Variants in LRP8 observed in about 807,000 individuals in gnomAD.
The protein encoded by LRP8 is LDL receptor related protein 8, also known as low-density lipoprotein receptor-related protein 8.
LRP8 carries 46 observed loss-of-function variants against 111.6 expected under a neutral mutation model. The observed-to-expected ratio is 0.41, with a 90% CI of 0.33 to 0.53. The LOEUF (loss-of-function observed/expected upper bound fraction) is 0.53. Ranked by LOEUF, LRP8 falls within the 20% of genes least tolerant of loss-of-function variation. The probability of loss-of-function intolerance (pLI) is 0.20; values close to 1 mark genes in which losing one functional copy is unlikely to be tolerated. For synonymous variants in LRP8, 464 were observed against 511.2 expected (o/e 0.91, Z 1.24); for missense variants, 959 against 1,297.4 (o/e 0.74, Z 4.01).
In LRP8 at chr1:53,303,179, A is replaced by G. The variant is rs1466907647; in HGVS notation, c.245-13490T>C. Among the ~76,000 whole-genome samples the G allele has an allele frequency of 6.6e-6, 1 of 152,160 alleles. No homozygotes were observed. The highest frequency in any genetic ancestry group is 1.5e-5 in the Non-Finnish European group (1 of 68,022). On this transcript the variant is annotated intron_variant, in intron 2 of 18. Transcript: ENST00000306052. The surrounding 1 kb of genome is among the most constrained non-coding windows in gnomAD (Gnocchi z 4.3). The stretch of plus-strand genomic sequence containing the variant: ...ACTCCCCCACTGCTCCAGCTTTCCT[A>G]CAGGGACTTTGGGGAGAGCTGGGTT...
At chr1:53,259,331 C>T (rs986247595) in intron 13 of LRP8, among the ~76,000 whole-genome samples, 2 of 151,804 alleles carry the variant, frequency 1.3e-5, no homozygotes, top group African/African-American at 4.8e-5. Context: ...AGGCTGGTCC[C>T]AAACTCCTGG....
chr1:53,275,051 G>A lies in LRP8; in HGVS notation c.1006+580C>T, dbSNP rs527376712. On this transcript the variant is annotated intron_variant, in intron 6 of 18. Coordinates refer to ENST00000306052, the MANE Select transcript of LRP8 (RefSeq NM_004631.5). This position sits in a 1 kb window ranked among gnomAD's most constrained non-coding sequence, Gnocchi z 4.4. ...TCATGTAGCTGGGCAGGGCTGTGGG[G>A]ATCTGCGTCTCATCTTGCAGGACTC... 2.6e-5 allele frequency among the ~76,000 whole-genome samples: 4 copies of A among 152,330 alleles called. No individual in the cohort carries two copies. Among genetic ancestry groups the A allele is most frequent in the Non-Finnish European group, 5.9e-5 (4 of 68,018 alleles).
intron 2 of LRP8, among the ~76,000 whole-genome samples, chr1:53,299,592 T>C (rs569387335): frequency 2.0e-5 from 3 of 152,266 alleles, no homozygotes; most frequent in Non-Finnish European, 2.9e-5. Context: ...CAGCCTCACA[T>C]TGGTCATCCA....
chr1:53,280,754 G>A (rs201936545), intron 3 of LRP8, 39 bp from the exon 4 acceptor site: 39 of 1,604,356 alleles, frequency 2.4e-5, no homozygotes, highest in Non-Finnish European at 3.3e-5. Context: ...TAGCCAAGGG[G>A]GACACAGGGC....
At position 53,283,410 on chromosome 1, in the gene LRP8, G is replaced by GCATACCCGGGCCACTTACTTACTTACTA. The variant is rs1647180996; in HGVS notation, c.368-2696_368-2695insTAGTAAGTAAGTAAGTGGCCCGGGTATG. Among the ~76,000 whole-genome samples the GCATACCCGGGCCACTTACTTACTTACTA allele has an allele frequency of 3.4e-5, 5 of 145,390 alleles. No individual in the cohort carries two copies. In the East Asian group the frequency reaches 8.4e-4, roughly 24 times the overall value. ...ATTCACAAAGGTCATCACATAAGTG[G>GCATACCCGGGCCACTTACTTACTTACTA]CATACCCGGGCCACTTACTTACTAC... On this transcript the variant is annotated intron_variant, in intron 3 of 18. Coordinates refer to ENST00000306052, the MANE Select transcript of LRP8 (RefSeq NM_004631.5).
intron 16 of LRP8, among the ~76,000 whole-genome samples, chr1:53,252,346 A>AT (rs1164742165): frequency 1.3e-5 from 2 of 151,976 alleles, no homozygotes; most frequent in African/African-American, 4.8e-5. Context: ...CCCGGGCAAG[A>AT]TGGTGAGCCC....
chr1:53,258,052 AG>A (rs1363080643), intron 14 of LRP8: 1 of 283,154 alleles, frequency 3.5e-6, no homozygotes, highest in Admixed American at 4.7e-5. Flanking sequence ...AGGTTTTTAA[AG>A]CGTTCCAGAA....
At chr1:53,285,941 C>A (rs1427550888) in intron 3 of LRP8, among the ~76,000 whole-genome samples, 1 of 152,212 alleles carries the variant, frequency 6.6e-6, no homozygotes, top group African/African-American at 2.4e-5. Context: ...TGGCTCACGG[C>A]ATTTAAAGGC....
At position 53,266,646 on chromosome 1, in the gene LRP8, A is replaced by G. The variant is rs1323254928; in HGVS notation, c.1254T>C (p.Ala418=). The part of the protein sequence containing the change: ...DLLTKNCKAA[A]GKSPSLIFTN... ...TGAAGATTAGGGATGGGCTCTTGCCAGCTGTCATGCAGGGAGGTTGAAAGA... is the reference window on the plus strand; with the variant it reads ...TGAAGATTAGGGATGGGCTCTTGCCGGCTGTCATGCAGGGAGGTTGAAAGA... The change falls in exon 9 of 19, where the codon GCT becomes GCC. Residue 418 remains alanine, a splice_region_variant and synonymous_variant. Transcript: ENST00000306052. This position sits in a 1 kb window ranked among gnomAD's most constrained non-coding sequence, Gnocchi z 5.0. 5.0e-6 allele frequency: 8 copies of G among 1,613,768 alleles called. No individual in the cohort carries two copies. In the East Asian group the frequency reaches 1.8e-4, roughly 36 times the overall value.
In LRP8 at chr1:53,326,999, G is replaced by A; in HGVS notation, c.125-7C>T. On this transcript the variant is annotated splice_polypyrimidine_tract_variant and splice_region_variant and intron_variant, in intron 1 of 18. Transcript: ENST00000306052. Reference sequence around the variant, plus strand: ...TCGCAATCCTTGGCCGGCCCTGCGAGGGGGAGGGAGCGTGAGCTGGATCAG... The same window carrying A: ...TCGCAATCCTTGGCCGGCCCTGCGAAGGGGAGGGAGCGTGAGCTGGATCAG... The A allele has an allele frequency of 1.9e-6, 3 of 1,611,620 alleles. No individual in the cohort carries two copies. The highest frequency in any genetic ancestry group is 2.5e-6 in the Non-Finnish European group (3 of 1,179,578).
chr1:53,282,605 C>A (rs924276380), intron 3 of LRP8, among the ~76,000 whole-genome samples: 6 of 152,164 alleles, frequency 3.9e-5, no homozygotes, highest in Non-Finnish European at 8.8e-5. Context: ...GGGGTCCTCT[C>A]ATCAAAGGGT....
intron 15 of LRP8, among the ~76,000 whole-genome samples, chr1:53,256,869 CAT>C (rs1305836802): frequency 3.2e-4 from 49 of 152,178 alleles, no homozygotes; most frequent in Non-Finnish European, 8.8e-5. Context: ...CTTTGTGAAA[CAT>C]AGACACACAC....
chr1:53,257,566 A>C, intron 14 of LRP8, 102 bp from the exon 15 acceptor site: 4 of 833,940 alleles, frequency 4.8e-6, no homozygotes, highest in African/African-American at 1.7e-5. Flanking sequence ...GGCGTAGCTC[A>C]AATGCCACTT....
At position 53,266,894 on chromosome 1, in the gene LRP8, T is replaced by C. The variant is rs1646585333; in HGVS notation, c.1253-247A>G. ...AGATACAAACTTCTCCAAAATCTTT[T>C]ATGGCTCCCCATTTTCTCCTTAGGC... On this transcript the variant is annotated intron_variant, in intron 8 of 18. Transcript: ENST00000306052. The surrounding 1 kb of genome is among the most constrained non-coding windows in gnomAD (Gnocchi z 5.0). 1 of 460,636 alleles carries C rather than the reference T, an allele frequency of 2.2e-6. No homozygotes were observed. Among genetic ancestry groups the C allele is most frequent in the African/African-American group, 1.9e-5 (1 of 51,360 alleles). 28.5% of individuals were successfully genotyped at this position (460,636 alleles called of 1,614,324 possible).
Position 53,327,829 on chromosome 1 carries a change from A to G in LRP8, c.84T>C (p.His28=). 1.3e-6 allele frequency: 2 copies of G among 1,512,144 alleles called. No individual in the cohort carries two copies. Among genetic ancestry groups the G allele is most frequent in the Non-Finnish European group, 1.8e-6 (2 of 1,136,304 alleles). The allele number at this position is 1,512,144 out of a possible 1,614,324, so 93.7% of individuals were successfully genotyped here. Residue 28 remains histidine, a synonymous_variant, in exon 1 of 19, where the codon CAT becomes CAC. Transcript: ENST00000306052. ...LLLLLLLQLQ[H]LAAAAADPLL... is the part of the protein sequence containing the mutation. ...GCGGATCAGCCGCTGCCGCCGCAAG[A>G]TGCTGGAGCTGCAGCAGCAGCAGCA...
Position 53,275,513 on chromosome 1 carries a change from G to A in LRP8, c.1006+118C>T. The A allele has an allele frequency of 7.3e-7, 1 of 1,365,392 alleles. No individual in the cohort carries two copies. Among genetic ancestry groups the A allele is most frequent in the African/African-American group, 1.4e-5 (1 of 69,792 alleles). 84.6% of individuals were successfully genotyped at this position (1,365,392 alleles called of 1,614,324 possible). A position where few individuals can be genotyped will look rare whatever the true frequency, so the allele number is the denominator to read the frequency against. On this transcript the variant is annotated intron_variant, in intron 6 of 18. Coordinates refer to ENST00000306052, the MANE Select transcript of LRP8 (RefSeq NM_004631.5). The surrounding 1 kb of genome is among the most constrained non-coding windows in gnomAD (Gnocchi z 4.4). ...GTGATTTAGGGGCAAGTGATGCTCT[G>A]GGGGAAAATGCATCTTGGGGACCAA...
At position 53,258,487 on chromosome 1, in the gene LRP8, G is replaced by A. The variant is rs752116672; in HGVS notation, c.2057-16C>T. 7.4e-6 allele frequency: 12 copies of A among 1,612,970 alleles called. No individual in the cohort carries two copies. In the Admixed American group the frequency reaches 8.3e-5, roughly 11 times the overall value. ...GCATCTGGAGCTAATGGCAGAGAGG[G>A]AGACAGCTGGGGCACAGACAGGACA... is the stretch of plus-strand genomic sequence containing the variant. On this transcript the variant is annotated splice_polypyrimidine_tract_variant and intron_variant, in intron 13 of 18. Transcript: ENST00000306052.
chr1:53,321,038 T>C (rs871452), intron 2 of LRP8, among the ~76,000 whole-genome samples: 7,020 of 152,236 alleles, frequency 0.046, 406 homozygotes, highest in African/African-American at 0.14. Flanking sequence ...AGTAGTGAAG[T>C]TAAAGGATGT....
intron 3 of LRP8, among the ~76,000 whole-genome samples, chr1:53,285,587 T>C (rs1476874927): frequency 6.6e-6 from 1 of 152,018 alleles, no homozygotes; most frequent in Non-Finnish European, 1.5e-5. Context: ...GGGAACCATA[T>C]GGAAATCCCT....
Sources: allele counts gnomAD v4.1 joint callset (sites outside exome capture counted in the v4.1 genomes callset), GRCh38; gene constraint gnomAD v4.1.1; non-coding constraint Gnocchi (gnomAD v3.1); transcripts MANE v1.5; gene names NCBI Gene and HGNC (gene_info 2026-07-23, HGNC 2026-07-21).